TMEM72: variants seen among roughly 807,000 people sequenced by gnomAD.
TMEM72 encodes the protein kidney-specific secretory protein of 37 kDa.
A neutral mutation model predicts 16.3 loss-of-function variants in TMEM72; 9 were observed. That is an observed-to-expected ratio of 0.55 (90% CI 0.33 to 0.96). The LOEUF (loss-of-function observed/expected upper bound fraction) is 0.96, where lower values mean the gene tolerates loss of function less well. Among genes scored for constraint, TMEM72 ranks in the 40% least tolerant of loss-of-function variants. The pLI, the probability that TMEM72 is intolerant of heterozygous loss-of-function variation, is 0.03. For synonymous variants in TMEM72, 160 were observed against 146.5 expected (o/e 1.09, Z -0.66); for missense variants, 324 against 337.8 (o/e 0.96, Z 0.32).
Position 44,931,994 on chromosome 10 carries a change from G to C in TMEM72, c.138-4G>C, listed in dbSNP as rs1282335253. 1 of 1,611,948 alleles carries C rather than the reference G, an allele frequency of 6.2e-7. No individual in the cohort carries two copies. The highest frequency in any genetic ancestry group is 1.1e-5 in the South Asian group (1 of 90,452). Reference sequence around the variant, plus strand: ...CAGCCTCCCTCACCTGTCTCCACCTGCAGGTTTACAGGAGCCGCTGTCTCC... The same window carrying C: ...CAGCCTCCCTCACCTGTCTCCACCTCCAGGTTTACAGGAGCCGCTGTCTCC... On this transcript the variant is annotated splice_polypyrimidine_tract_variant and splice_region_variant and intron_variant, in intron 2 of 4. Transcript: ENST00000389583.
At chr10:44,914,412 G>C (rs1400261209) in intron 1 of TMEM72, among the ~76,000 whole-genome samples, 1 of 152,266 alleles carries the variant, frequency 6.6e-6, no homozygotes, top group Non-Finnish European at 1.5e-5. Flanking sequence ...CCCTGGCTCA[G>C]GATGTGGGGT....
chr10:44,920,696 C>T (rs1165026248), intron 1 of TMEM72, among the ~76,000 whole-genome samples: 1 of 152,236 alleles, frequency 6.6e-6, no homozygotes, highest in Non-Finnish European at 1.5e-5. Flanking sequence ...CCGCCTGCCT[C>T]TTATAATAGC....
In TMEM72 at chr10:44,911,337, G is replaced by A; in HGVS notation, c.-176G>A. 1 of 597,626 alleles carries A rather than the reference G, an allele frequency of 1.7e-6. No individual in the cohort carries two copies. Among genetic ancestry groups the A allele is most frequent in the South Asian group, 2.1e-5 (1 of 48,630 alleles). 37.0% of individuals were successfully genotyped at this position (597,626 alleles called of 1,614,324 possible). On this transcript the variant is annotated 5_prime_UTR_variant, in exon 1 of 5. Transcript: ENST00000389583. The stretch of plus-strand genomic sequence containing the variant: ...GGCACGGGCTGAGAGCACAGAAGGT[G>A]AGCCCTATTCACACCTCGGCCAGGC...
At chr10:44,932,261 C>A (rs1186177131) in intron 3 of TMEM72, among the ~76,000 whole-genome samples, 192 bp downstream of exon 3, 1 of 152,242 alleles carries the variant, frequency 6.6e-6, no homozygotes, top group Non-Finnish European at 1.5e-5. Flanking sequence ...GCCTTCTTTG[C>A]CCTGGTCCCA....
intron 1 of TMEM72, among the ~76,000 whole-genome samples, chr10:44,913,500 G>T (rs1313504980): frequency 1.3e-5 from 2 of 151,960 alleles, no homozygotes; most frequent in Non-Finnish European, 2.9e-5. Flanking sequence ...GCGCACATAG[G>T]GCTCGTCTTA....
rs1840373706 is a variant in TMEM72, at chr10:44,934,971, T to G, written c.665T>G (p.Val222Gly). The G allele has an allele frequency of 1.2e-6, 2 of 1,614,068 alleles. No homozygotes were observed. The change falls in exon 5 of 5, where the codon GTG becomes GGG. Residue 222 changes from valine to glycine, a missense_variant. Coordinates refer to ENST00000389583, the MANE Select transcript of TMEM72 (RefSeq NM_001123376.3). Reference protein sequence around the residue: ...PADSLAKKKQVHFEDNLVRIV... With the variant: ...PADSLAKKKQGHFEDNLVRIV... ...GACTCCCTGGCCAAGAAGAAGCAGG[T>G]GCACTTTGAAGACAACTTGGTCCGC...
intron 1 of TMEM72, among the ~76,000 whole-genome samples, chr10:44,922,651 G>A: frequency 6.6e-6 from 1 of 152,198 alleles, no homozygotes. Context: ...GGGAATGTTT[G>A]CAAAATGCAA....
In TMEM72 at chr10:44,935,105, T is replaced by C. The variant is rs759085092; in HGVS notation, c.799T>C (p.Ser267Pro). The C allele has an allele frequency of 5.6e-6, 9 of 1,605,194 alleles. No homozygotes were observed. The highest frequency in any genetic ancestry group is 3.4e-5 in the Admixed American group (2 of 59,294). The part of the protein sequence containing the change: ...IPPPQAPLFL[S>P]SLTATGLF ...CCCTCCCCAGGCCCCACTCTTCCTG[T>C]CATCTCTTACAGCCACCGGCCTGTT... is the stretch of plus-strand genomic sequence containing the variant. Residue 267 changes from serine (S) to proline (P), a missense_variant, in exon 5 of 5, where the codon TCA (serine) becomes CCA (proline). Coordinates refer to ENST00000389583, the MANE Select transcript of TMEM72 (RefSeq NM_001123376.3).
intron 1 of TMEM72, among the ~76,000 whole-genome samples, chr10:44,912,825 T>A (rs1272629305): frequency 6.6e-6 from 1 of 152,140 alleles, no homozygotes; most frequent in Non-Finnish European, 1.5e-5. Flanking sequence ...TCTTCCAGCA[T>A]CTAGGCCATG....
At chr10:44,928,122 A>AG in intron 2 of TMEM72, 135 bp downstream of exon 2, 1 of 949,838 alleles carries the variant, frequency 1.1e-6, no homozygotes, top group Non-Finnish European at 1.6e-6. Flanking sequence ...AAGGGAGTTG[A>AG]GGGGGGCTCT....
intron 3 of TMEM72, 123 bp downstream of exon 3, chr10:44,932,192 C>T (rs545724077): frequency 2.4e-5 from 29 of 1,190,010 alleles, no homozygotes; most frequent in Non-Finnish European, 3.0e-5. Flanking sequence ...GACAGGAGCC[C>T]CCCACCGAGG....
At chr10:44,925,539 C>A (rs1347749567) in intron 1 of TMEM72, among the ~76,000 whole-genome samples, 2 of 152,190 alleles carry the variant, frequency 1.3e-5, no homozygotes, top group Non-Finnish European at 1.5e-5. Context: ...TCACTGAGCA[C>A]CCATGACACG....
chr10:44,933,490 C>T, intron 3 of TMEM72, 147 bp from the exon 4 acceptor site: 1 of 1,100,716 alleles, frequency 9.1e-7, no homozygotes, highest in Non-Finnish European at 1.3e-6. Flanking sequence ...TTGTGGAACC[C>T]ACACCAAGGA....
At chr10:44,926,690 C>A (rs1022416505) in intron 1 of TMEM72, among the ~76,000 whole-genome samples, 1 of 152,264 alleles carries the variant, frequency 6.6e-6, no homozygotes, top group East Asian at 1.9e-4. Context: ...AGCCCCAGAG[C>A]CCTCCATCCA....
At chr10:44,920,315 C>G (rs1246674280) in intron 1 of TMEM72, 3 of 152,292 alleles carry the variant, frequency 2.0e-5, no homozygotes, top group Admixed American at 1.3e-4. Context: ...GGAGTCAGAA[C>G]GGATAAGCAA....
chr10:44,930,131 G>A (rs1332938392), intron 2 of TMEM72, among the ~76,000 whole-genome samples: 1 of 152,160 alleles, frequency 6.6e-6, no homozygotes, highest in Non-Finnish European at 1.5e-5. Flanking sequence ...TGTGGTCTCT[G>A]GGTGGTCCAG....
In TMEM72 at chr10:44,933,572, T is replaced by C. The variant is rs968174278; in HGVS notation, c.210-65T>C. The C allele has an allele frequency of 3.2e-6, 5 of 1,561,930 alleles. No homozygotes were observed. In the Admixed American group the frequency reaches 5.3e-5, roughly 16 times the overall value. ...ACAGCAGGGCCTGGCCCAGACTCCA[T>C]GGCATCCAGTCTTGCTGGGGTTTTC... On this transcript the variant is annotated intron_variant, in intron 3 of 4. Coordinates refer to ENST00000389583, the MANE Select transcript of TMEM72 (RefSeq NM_001123376.3).
Position 44,911,516 on chromosome 10 carries a change from C to T in TMEM72, c.4C>T (p.Gln2Ter). The change falls in exon 1 of 5, where the codon CAG becomes TAG. Residue 2 changes from glutamine to a stop codon, truncating the protein, a stop_gained. Coordinates refer to ENST00000389583, the MANE Select transcript of TMEM72 (RefSeq NM_001123376.3). LOFTEE classifies it high-confidence loss of function. ...CTTTGTCCTCACCCCTGGCACCATG[C>T]AGCTCCAGGTGTTCTGGACTGGGCT... is the stretch of plus-strand genomic sequence containing the variant. M[Q>*]LQVFWTGLEY... is the part of the protein sequence containing the mutation. 6.4e-7 allele frequency: 1 copy of T among 1,550,938 alleles called. No homozygotes were observed. The highest frequency in any genetic ancestry group is 8.7e-7 in the Non-Finnish European group (1 of 1,147,078).
chr10:44,930,262 A>C (rs1370652011), intron 2 of TMEM72, among the ~76,000 whole-genome samples: 1 of 152,136 alleles, frequency 6.6e-6, no homozygotes, highest in African/African-American at 2.4e-5. Context: ...AGGAAGTCTG[A>C]ATGAGTCGCT....
Sources: allele counts gnomAD v4.1 joint callset (sites outside exome capture counted in the v4.1 genomes callset), GRCh38; gene constraint gnomAD v4.1.1; transcripts MANE v1.5; gene names NCBI Gene and HGNC (gene_info 2026-07-23, HGNC 2026-07-21).